CNBD1: variants seen among roughly 807,000 people sequenced by gnomAD.
CNBD1 encodes cyclic nucleotide binding domain containing 1.
A neutral mutation model predicts 54.4 loss-of-function variants in CNBD1; 71 were observed. That is an observed-to-expected ratio of 1.30 (90% confidence interval 1.08 to 1.59). The LOEUF (loss-of-function observed/expected upper bound fraction) is 1.59. CNBD1 is among the 40% of genes most tolerant of loss of function. The pLI, the probability that CNBD1 is intolerant of heterozygous loss-of-function variation, is 0.00. For missense variants in CNBD1, 659 were observed against 518.0 expected, an observed-to-expected ratio of 1.27 and a Z score of -2.64; for synonymous variants, 182 against 170.7, an observed-to-expected ratio of 1.07 and a Z score of -0.51.
At chr8:87,145,924 G>T (rs1812476678) in intron 4 of CNBD1, among the ~76,000 whole-genome samples, 2 of 152,034 alleles carry the variant, frequency 1.3e-5, no homozygotes, top group South Asian at 4.1e-4. Context: ...TCTACTTTTG[G>T]CTACCTCAGC....
chr8:87,333,329 A>G (rs960195454), intron 8 of CNBD1, among the ~76,000 whole-genome samples: 1 of 152,094 alleles, frequency 6.6e-6, no homozygotes, highest in African/African-American at 2.4e-5. Context: ...AACAGAGACA[A>G]TTTTACTTCC....
chr8:87,178,551 C>T (rs1252093593), intron 4 of CNBD1, among the ~76,000 whole-genome samples: 2 of 152,070 alleles, frequency 1.3e-5, no homozygotes, highest in Non-Finnish European at 2.9e-5. Flanking sequence ...ATAGTTTGGC[C>T]CATTGTAAAA....
At chr8:87,403,468 C>T (rs1586081257) in intron 2 of CNBD1, among the ~76,000 whole-genome samples, 1 of 151,994 alleles carries the variant, frequency 6.6e-6, no homozygotes, top group Admixed American at 6.6e-5. Context: ...CGTGCTACTC[C>T]ATCCCTTAAC....
chr8:86,995,974 T>C (rs1189466056), intron 4 of CNBD1, among the ~76,000 whole-genome samples: 1 of 152,256 alleles, frequency 6.6e-6, no homozygotes, highest in Non-Finnish European at 1.5e-5. Flanking sequence ...TCTAAATCCC[T>C]ATCGATATTA....
In CNBD1 at chr8:87,101,394, C is replaced by T. The variant is rs543861686; in HGVS notation, c.432-104599C>T. On this transcript the variant is annotated intron_variant, in intron 4 of 10. Transcript: ENST00000518476. Reference sequence around the variant, plus strand: ...AAAACAAATATAGAGAAAAAGCAGGCATTTCACAAATATAAAAGAGCCAAT... The same window carrying T: ...AAAACAAATATAGAGAAAAAGCAGGTATTTCACAAATATAAAAGAGCCAAT... Among the ~76,000 whole-genome samples the T allele has an allele frequency of 4.6e-5, 7 of 151,940 alleles. No homozygotes were observed. In the East Asian group the frequency reaches 1.4e-3, roughly 29 times the overall value.
chr8:86,944,201 G>A (rs1231453415), intron 4 of CNBD1, among the ~76,000 whole-genome samples: 1 of 152,154 alleles, frequency 6.6e-6, no homozygotes, highest in Non-Finnish European at 1.5e-5. Context: ...ACATGACTTA[G>A]AATTTTAGTT....
In CNBD1 at chr8:87,163,612, T is replaced by C. The variant is rs554331127; in HGVS notation, c.432-42381T>C. Among the ~76,000 whole-genome samples the C allele has an allele frequency of 1.3e-5, 2 of 152,034 alleles. No individual in the cohort carries two copies. The highest frequency in any genetic ancestry group is 3.9e-4 in the East Asian group (2 of 5,182). ...TTTTTTAAAATTTCTTTTTTTCAGA[T>C]ATTTTGTTAGTGTATGAAAATGCAA... On this transcript the variant is annotated intron_variant, in intron 4 of 10. Transcript: ENST00000518476. The surrounding 1 kb of genome is among the most constrained non-coding windows in gnomAD (Gnocchi z 4.5).
intron 2 of CNBD1, among the ~76,000 whole-genome samples, chr8:86,899,167 G>C (rs1342131418): frequency 1.3e-5 from 2 of 152,062 alleles, no homozygotes. Context: ...TAGGGGCAAG[G>C]GTGAAGGGAG....
chr8:87,351,365 G>A (rs541135965), intron 8 of CNBD1, among the ~76,000 whole-genome samples: 1 of 152,220 alleles, frequency 6.6e-6, no homozygotes, highest in Admixed American at 6.5e-5. Context: ...TTAGACCTTG[G>A]AACTCAGCAA....
At chr8:87,035,791 T>C (rs1460428742) in intron 4 of CNBD1, among the ~76,000 whole-genome samples, 1 of 152,138 alleles carries the variant, frequency 6.6e-6, no homozygotes, top group African/African-American at 2.4e-5. Flanking sequence ...CCCGGCTCCA[T>C]GGAGTTCTCC....
intron 4 of CNBD1, among the ~76,000 whole-genome samples, chr8:87,095,053 TA>T (rs1258454524): frequency 6.6e-6 from 1 of 152,000 alleles, no homozygotes; most frequent in Admixed American, 6.6e-5. Context: ...AAAAACAAAG[TA>T]ATAATTTATG....
intron 10 of CNBD1, 117 bp from the exon 11 acceptor site, chr8:87,382,503 A>G (rs571153458): frequency 8.9e-5 from 63 of 705,176 alleles, no homozygotes; most frequent in Non-Finnish European, 1.4e-4. Flanking sequence ...TTTTTCTTTT[A>G]AAGCATAACC....
At chr8:86,919,643 A>G (rs1306713819) in intron 3 of CNBD1, among the ~76,000 whole-genome samples, 1 of 152,200 alleles carries the variant, frequency 6.6e-6, no homozygotes, top group Middle Eastern at 3.2e-3. Flanking sequence ...TTAGGAACTC[A>G]AAGTACTGAG....
chr8:87,281,601 T>A (rs906174799), intron 6 of CNBD1, among the ~76,000 whole-genome samples: 38 of 99,812 alleles, frequency 3.8e-4, no homozygotes, highest in South Asian at 1.4e-3. Flanking sequence ...TATATATATA[T>A]AACTAATTTT....
chr8:87,257,787 C>T (rs1413936478), intron 6 of CNBD1, among the ~76,000 whole-genome samples: 1 of 152,118 alleles, frequency 6.6e-6, no homozygotes, highest in East Asian at 1.9e-4. Context: ...TACACCTAAA[C>T]AATTTCAGTA....
At chr8:86,898,537 C>A (rs954924746) in intron 2 of CNBD1, among the ~76,000 whole-genome samples, 4 of 152,094 alleles carry the variant, frequency 2.6e-5, no homozygotes, top group African/African-American at 9.7e-5. Flanking sequence ...GTCAACTGAT[C>A]TTTAACAAAG....
intron 4 of CNBD1, among the ~76,000 whole-genome samples, chr8:86,957,733 A>G (rs1807814986): frequency 6.6e-6 from 1 of 151,916 alleles, no homozygotes; most frequent in African/African-American, 2.4e-5. Flanking sequence ...CTTCTTTATT[A>G]GTTTTTCTAG....
At chr8:87,233,787 T>TA (rs1563517916) in intron 5 of CNBD1, among the ~76,000 whole-genome samples, 1 of 152,116 alleles carries the variant, frequency 6.6e-6, no homozygotes, top group Non-Finnish European at 1.5e-5. Flanking sequence ...GGCAATTTCT[T>TA]AAGAAGATGG....
intron 4 of CNBD1, among the ~76,000 whole-genome samples, chr8:87,003,995 C>A (rs1353097991): frequency 2.0e-5 from 3 of 152,140 alleles, no homozygotes. Flanking sequence ...AGGAATGAAT[C>A]TAGTAACACA....
Sources: gnomAD v4.1 joint callset for allele counts (sites outside exome capture counted in the v4.1 genomes callset) on GRCh38, gnomAD v4.1.1 for gene constraint, Gnocchi (gnomAD v3.1) non-coding constraint, MANE v1.5 for transcripts, NCBI Gene and HGNC (gene_info 2026-07-23, HGNC 2026-07-21) for gene names.